Variants in PCDH9 observed in about 807,000 individuals in gnomAD.
The protein encoded by PCDH9 is protocadherin 9, also known as protocadherin-9.
PCDH9 carries 24 observed loss-of-function variants against 70.6 expected under a neutral mutation model. That is an observed-to-expected ratio of 0.34 (90% CI 0.25 to 0.48). The LOEUF (loss-of-function observed/expected upper bound fraction) is 0.48, where lower values mean the gene tolerates loss of function less well. PCDH9 is among the 20% of genes least tolerant of loss of function. The probability of loss-of-function intolerance (pLI) is 0.99; values close to 1 mark genes in which losing one functional copy is unlikely to be tolerated. For missense variants in PCDH9, 1,281 were observed against 1,503.6 expected (o/e 0.85, Z 2.45); for synonymous variants, 562 against 558.5 (o/e 1.01, Z -0.09).
At chr13:66,890,710 C>T (rs916751470) in intron 3 of PCDH9, among the ~76,000 whole-genome samples, 2 of 152,038 alleles carry the variant, frequency 1.3e-5, no homozygotes, top group Admixed American at 1.3e-4. Flanking sequence ...ATCACATCGA[C>T]CAATCTATCA....
intron 4 of PCDH9, among the ~76,000 whole-genome samples, chr13:66,519,867 C>T (rs572886482): frequency 1.3e-5 from 2 of 152,238 alleles, no homozygotes; most frequent in African/African-American, 2.4e-5. Context: ...TCTTCTTACT[C>T]GACTGGTCGA....
intron 3 of PCDH9, among the ~76,000 whole-genome samples, chr13:66,663,051 A>C (rs2078038000): frequency 6.6e-6 from 1 of 152,216 alleles, no homozygotes; most frequent in African/African-American, 2.4e-5. Context: ...ACTATAAGGA[A>C]AAACAGTCTC....
At chr13:66,386,221 T>C (rs9592463) in intron 4 of PCDH9, among the ~76,000 whole-genome samples, 3,901 of 152,290 alleles carry the variant, frequency 0.026, 78 homozygotes, top group Non-Finnish European at 0.041. Context: ...TTCACTATTA[T>C]TTTATGATAC....
At chr13:66,452,708 C>A (rs541008215) in intron 4 of PCDH9, among the ~76,000 whole-genome samples, 1 of 152,152 alleles carries the variant, frequency 6.6e-6, no homozygotes, top group East Asian at 1.9e-4. Context: ...TAAGAGTTTG[C>A]AATTACTTTT....
At position 67,114,614 on chromosome 13, in the gene PCDH9, A is replaced by G. The variant is rs113356995; in HGVS notation, c.3036+110791T>C. ...TATTGCATACTCTATAAGGCAAAGT[A>G]CTGATGTGTGTAAAATTTCAACGAT... On this transcript the variant is annotated intron_variant, in intron 2 of 4. Coordinates refer to ENST00000377865, the MANE Select transcript of PCDH9 (RefSeq NM_203487.3). Among the ~76,000 whole-genome samples the G allele has an allele frequency of 8.6e-3, 1,306 of 152,342 alleles. 15 individuals are homozygous for G. The highest frequency in any genetic ancestry group is 0.024 in the Middle Eastern group (7 of 294).
rs1003759004 is a variant in PCDH9 at position 67,228,133 on chromosome 13, T to A, written c.308A>T (p.Tyr103Phe). The change falls in exon 2 of 5, where the codon TAT becomes TTT. Residue 103 changes from tyrosine (Y) to phenylalanine (F), a missense_variant. Coordinates refer to ENST00000377865, the MANE Select transcript of PCDH9 (RefSeq NM_203487.3). ...DREKLCAGAS[Y>F]AEENECFFEL... The stretch of plus-strand genomic sequence containing the variant: ...AAAGAAACACTCATTCTCCTCAGCA[T>A]ATGAGGCGCCAGCACAGAGTTTTTC... 3.1e-6 allele frequency: 5 copies of A among 1,614,014 alleles called. No homozygotes were observed. In the Admixed American group the frequency reaches 8.3e-5, roughly 27 times the overall value.
intron 4 of PCDH9, among the ~76,000 whole-genome samples, chr13:66,520,388 C>A (rs1486963465): frequency 6.6e-6 from 1 of 152,120 alleles, no homozygotes; most frequent in Non-Finnish European, 1.5e-5. Flanking sequence ...AATGCATTTA[C>A]TTTTGTTCAT....
At chr13:66,640,114 A>C (rs1337835057) in intron 3 of PCDH9, among the ~76,000 whole-genome samples, 1 of 152,240 alleles carries the variant, frequency 6.6e-6, no homozygotes, top group Non-Finnish European at 1.5e-5. Flanking sequence ...GTAGCAATTT[A>C]ATTAGAAATT....
chr13:66,755,759 G>T (rs1460601239), intron 3 of PCDH9, among the ~76,000 whole-genome samples: 1 of 152,028 alleles, frequency 6.6e-6, no homozygotes, highest in Non-Finnish European at 1.5e-5. Flanking sequence ...CTCTGGATTT[G>T]AAAAATGTCT....
intron 2 of PCDH9, among the ~76,000 whole-genome samples, chr13:66,966,734 AG>A (rs2083439917): frequency 6.6e-6 from 1 of 152,124 alleles, no homozygotes; most frequent in Non-Finnish European, 1.5e-5. Context: ...CTTTTGCTGA[AG>A]GGTCATGAGG....
chr13:66,789,632 G>C (rs951452102), intron 3 of PCDH9, among the ~76,000 whole-genome samples: 2 of 151,910 alleles, frequency 1.3e-5, no homozygotes, highest in Non-Finnish European at 2.9e-5. Context: ...TTCTCCATTA[G>C]TAAAGCAAAA....
chr13:67,153,582 A>G (rs1010233659), intron 2 of PCDH9, among the ~76,000 whole-genome samples: 1 of 152,248 alleles, frequency 6.6e-6, no homozygotes, highest in Non-Finnish European at 1.5e-5. Context: ...CGTCTGTTTC[A>G]TAACATCTAT....
chr13:66,920,670 T>C (rs2082623705), intron 2 of PCDH9, among the ~76,000 whole-genome samples: 1 of 151,248 alleles, frequency 6.6e-6, no homozygotes, highest in Non-Finnish European at 1.5e-5. Context: ...AGCCATGTAA[T>C]GTAAAATTAT....
In PCDH9 at chr13:67,111,307, T is replaced by C. The variant is rs532804332; in HGVS notation, c.3036+114098A>G. Among the ~76,000 whole-genome samples, 6 of 152,228 alleles carry C rather than the reference T, an allele frequency of 3.9e-5. No homozygotes were observed. In the South Asian group the frequency reaches 1.2e-3, roughly 32 times the overall value. ...ATATATAGTCGTTATCATTCTGAGA[T>C]ATTAACCCATGCACATTTTCTATCT... On this transcript the variant is annotated intron_variant, in intron 2 of 4. Transcript: ENST00000377865.
intron 4 of PCDH9, among the ~76,000 whole-genome samples, chr13:66,444,060 AC>A (rs1443228276): frequency 6.6e-6 from 1 of 152,122 alleles, no homozygotes; most frequent in Non-Finnish European, 1.5e-5. Context: ...CTAGTTCAAG[AC>A]TGATCCTATA....
intron 4 of PCDH9, among the ~76,000 whole-genome samples, chr13:66,500,536 G>A (rs1959171786): frequency 6.6e-6 from 1 of 151,860 alleles, no homozygotes; most frequent in Admixed American, 6.6e-5. Flanking sequence ...GGTAAGCATG[G>A]AAAACATTTA....
chr13:66,812,549 T>C (rs2080528166), intron 3 of PCDH9, among the ~76,000 whole-genome samples: 1 of 152,210 alleles, frequency 6.6e-6, no homozygotes, highest in South Asian at 2.1e-4. Flanking sequence ...ACTCATTTTC[T>C]ATTCTTATTT....
At chr13:66,598,780 G>A (rs2077131734) in intron 4 of PCDH9, among the ~76,000 whole-genome samples, 1 of 151,824 alleles carries the variant, frequency 6.6e-6, no homozygotes, top group Non-Finnish European at 1.5e-5. Flanking sequence ...AAAACTAACA[G>A]ATCTTGTATA....
intron 2 of PCDH9, chr13:67,224,102 G>A (rs1013953934): frequency 5.9e-5 from 9 of 152,164 alleles, no homozygotes; most frequent in African/African-American, 2.2e-4. Context: ...GATAACTGTT[G>A]ATACTGTTCT....
Sources: allele counts gnomAD v4.1 joint callset (sites outside exome capture counted in the v4.1 genomes callset), GRCh38; gene constraint gnomAD v4.1.1; transcripts MANE v1.5; gene names NCBI Gene and HGNC (gene_info 2026-07-23, HGNC 2026-07-21).